STAG1: variants seen among roughly 807,000 people sequenced by gnomAD.
STAG1 encodes STAG1 cohesin complex component.
In STAG1, 26 loss-of-function variants were observed where a neutral mutation model predicts 170.9. That is an observed-to-expected ratio of 0.15 (90% confidence interval 0.11 to 0.21). The LOEUF is 0.21. Ranked by LOEUF, STAG1 falls within the 10% of genes least tolerant of loss-of-function variation. The probability of loss-of-function intolerance (pLI) is 1.00; values close to 1 mark genes in which losing one functional copy is unlikely to be tolerated. For synonymous variants in STAG1, 514 were observed against 497.7 expected, an observed-to-expected ratio of 1.03 and a Z score of -0.44; for missense variants, 964 against 1,509.5, an observed-to-expected ratio of 0.64 and a Z score of 5.99.
intron 3 of STAG1, among the ~76,000 whole-genome samples, chr3:136,618,050 A>G (rs1159672171): frequency 6.6e-6 from 1 of 152,194 alleles, no homozygotes; most frequent in Non-Finnish European, 1.5e-5. Context: ...TATGAGTTCT[A>G]AATTTCTTTT....
intron 21 of STAG1, among the ~76,000 whole-genome samples, chr3:136,399,881 A>C (rs2087268495): frequency 6.6e-6 from 1 of 152,246 alleles, no homozygotes; most frequent in African/African-American, 2.4e-5. Flanking sequence ...TTCACTTAAA[A>C]ATTTATTACA....
chr3:136,694,969 T>A (rs1289205919), intron 1 of STAG1, among the ~76,000 whole-genome samples: 1 of 152,196 alleles, frequency 6.6e-6, no homozygotes, highest in East Asian at 1.9e-4. Flanking sequence ...AATTTCTAAG[T>A]CCTTTTTCTC....
intron 5 of STAG1, 113 bp from the exon 6 acceptor site, chr3:136,542,308 C>T: frequency 1.4e-6 from 1 of 727,932 alleles, no homozygotes; most frequent in Non-Finnish European, 2.3e-6. Flanking sequence ...AACCTTCCAA[C>T]ATATATTTTA....
chr3:136,523,818 G>A (rs570018649), intron 6 of STAG1, among the ~76,000 whole-genome samples: 46 of 152,280 alleles, frequency 3.0e-4, no homozygotes, highest in African/African-American at 1.1e-3. Context: ...CATGTGGCTA[G>A]CCAGTTTTCC....
chr3:136,358,021 T>C (rs552590959), intron 27 of STAG1, among the ~76,000 whole-genome samples, 173 bp from the exon 28 acceptor site: 42 of 151,826 alleles, frequency 2.8e-4, no homozygotes, highest in African/African-American at 8.2e-4. Flanking sequence ...TGTATATTTA[T>C]AGTATGAAAC....
intron 5 of STAG1, among the ~76,000 whole-genome samples, chr3:136,547,435 A>C (rs1309156334): frequency 6.6e-6 from 1 of 152,162 alleles, no homozygotes; most frequent in Admixed American, 6.6e-5. Flanking sequence ...TATCTCTAGA[A>C]TGAATTCATT....
chr3:136,362,615 A>AG (rs1936917282), intron 26 of STAG1, among the ~76,000 whole-genome samples: 1 of 150,332 alleles, frequency 6.7e-6, no homozygotes. Flanking sequence ...CAAAAAAAAA[A>AG]AAAAAAAGAA....
intron 6 of STAG1, 83 bp from the exon 7 acceptor site, chr3:136,521,500 G>T: frequency 8.2e-7 from 1 of 1,221,922 alleles, no homozygotes; most frequent in Non-Finnish European, 1.2e-6. Flanking sequence ...ACCTACATAG[G>T]AACCCTTTTT....
intron 22 of STAG1, among the ~76,000 whole-genome samples, chr3:136,384,832 A>G (rs556316651): frequency 3.3e-5 from 5 of 152,236 alleles, no homozygotes; most frequent in African/African-American, 1.2e-4. Context: ...ATTTATATAT[A>G]AACAAAAAAG....
chr3:136,674,097 T>C (rs1373616615), intron 1 of STAG1, among the ~76,000 whole-genome samples: 2 of 121,932 alleles, frequency 1.6e-5, no homozygotes, highest in Non-Finnish European at 3.3e-5. Context: ...GGAGTGACTC[T>C]GTCTCAAAAA....
chr3:136,433,819 T>G (rs1441383557), intron 15 of STAG1, among the ~76,000 whole-genome samples, 160 bp from the exon 16 acceptor site: 1 of 152,062 alleles, frequency 6.6e-6, no homozygotes, highest in Non-Finnish European at 1.5e-5. Context: ...TTTAAAGTAA[T>G]TATGTGCTTG....
At chr3:136,625,015 G>C (rs980358395) in intron 2 of STAG1, among the ~76,000 whole-genome samples, 2 of 152,114 alleles carry the variant, frequency 1.3e-5, no homozygotes, top group Non-Finnish European at 2.9e-5. Context: ...CAGATATGTT[G>C]TGTTTAGCTA....
chr3:136,380,181 A>C (rs1270440848), intron 22 of STAG1, among the ~76,000 whole-genome samples: 1 of 151,962 alleles, frequency 6.6e-6, no homozygotes, highest in Non-Finnish European at 1.5e-5. Context: ...GGGCTGTCTG[A>C]CTCTAAAGTC....
At chr3:136,629,558 A>G (rs1940245365) in intron 2 of STAG1, among the ~76,000 whole-genome samples, 1 of 152,110 alleles carries the variant, frequency 6.6e-6, no homozygotes, top group African/African-American at 2.4e-5. Context: ...GTAGGCAGAA[A>G]TAAATTTTAT....
At position 136,464,921 on chromosome 3, in the gene STAG1, G is replaced by C; in HGVS notation, c.1273C>G (p.Arg425Gly). The change falls in exon 13 of 34, where the codon CGC (arginine) becomes GGC (glycine). Residue 425 changes from arginine (R) to glycine (G), a missense_variant. Arg to Gly is a moderately radical substitution (Grantham distance 125). Coordinates refer to ENST00000383202, the MANE Select transcript of STAG1 (RefSeq NM_005862.3). ...TCTCCAGCTGCCACAGCAACAGGGC[G>C]ATGTGCCGAGTACACCAAGTGGTAA... is the stretch of plus-strand genomic sequence containing the variant. ...NVYHLVYSAH[R>G]PVAVAAGEFL... 6.2e-7 allele frequency: 1 copy of C among 1,612,644 alleles called. No homozygotes were observed. The highest frequency in any genetic ancestry group is 8.5e-7 in the Non-Finnish European group (1 of 1,179,354).
intron 1 of STAG1, among the ~76,000 whole-genome samples, chr3:136,679,553 C>T (rs1942261591): frequency 6.6e-6 from 1 of 151,960 alleles, no homozygotes; most frequent in Non-Finnish European, 1.5e-5. Flanking sequence ...ACAGTGAAAC[C>T]CCGTCTGTAC....
At chr3:136,407,190 C>T (rs2087508469) in intron 21 of STAG1, among the ~76,000 whole-genome samples, 1 of 152,116 alleles carries the variant, frequency 6.6e-6, no homozygotes, top group African/African-American at 2.4e-5. Flanking sequence ...CCATGCCTGG[C>T]TAATTTTGTA....
intron 13 of STAG1, among the ~76,000 whole-genome samples, chr3:136,459,204 G>A (rs576266398): frequency 5.2e-4 from 76 of 146,334 alleles, no homozygotes; most frequent in Admixed American, 9.1e-4. Flanking sequence ...GCGACAGAGC[G>A]AGACTCTGTC....
chr3:136,465,345 G>C (rs1221447304), intron 12 of STAG1, among the ~76,000 whole-genome samples: 1 of 149,952 alleles, frequency 6.7e-6, no homozygotes, highest in Non-Finnish European at 1.5e-5. Context: ...TCAGCCTCCT[G>C]AGTAGCTGAG....
Sources: gnomAD v4.1 joint callset for allele counts (sites outside exome capture counted in the v4.1 genomes callset) on GRCh38, gnomAD v4.1.1 for gene constraint, MANE v1.5 for transcripts, NCBI Gene and HGNC (gene_info 2026-07-23, HGNC 2026-07-21) for gene names.